IL2RA: variants seen among roughly 807,000 people sequenced by gnomAD.
IL2RA encodes interleukin-2 receptor subunit alpha.
A neutral mutation model predicts 37.8 loss-of-function variants in IL2RA; 24 were observed. That is an observed-to-expected ratio of 0.63 (90% CI 0.46 to 0.89). IL2RA has a LOEUF of 0.89. Among genes scored for constraint, IL2RA ranks in the 40% least tolerant of loss-of-function variants. IL2RA has a pLI of 0.00. For synonymous variants in IL2RA, 125 were observed against 114.6 expected (o/e 1.09, Z -0.58); for missense variants, 319 against 348.6 (o/e 0.92, Z 0.68).
rs546626125 is a variant in IL2RA at position 6,015,588 on chromosome 10, G to A, written c.794+2465C>T. Among the ~76,000 whole-genome samples, 3 of 152,268 alleles carry A rather than the reference G, an allele frequency of 2.0e-5. No individual in the cohort carries two copies. The highest frequency in any genetic ancestry group is 4.4e-5 in the Non-Finnish European group (3 of 68,010). ...CCTCCAGATGATTCTTTCAACAAAT[G>A]TTTTTAAGTTGACACATAATAGTTA... On this transcript the variant is annotated intron_variant, in intron 7 of 7. Coordinates refer to ENST00000379959, the MANE Select transcript of IL2RA (RefSeq NM_000417.3). The surrounding 1 kb of genome is among the most constrained non-coding windows in gnomAD (Gnocchi z 4.9).
In IL2RA at chr10:6,055,719, C is replaced by T. The variant is rs867425166; in HGVS notation, c.64+6369G>A. On this transcript the variant is annotated intron_variant, in intron 1 of 7. Transcript: ENST00000379959. ...GGCCCGCTCTCAATGAGCTGTTGGG[C>T]ACACCTCCCAGACGGGGTGGTGGCC... Among the ~76,000 whole-genome samples the T allele has an allele frequency of 6.1e-5, 2 of 33,012 alleles. 1 individual carries two copies. The highest frequency in any genetic ancestry group is 9.3e-4 in the Admixed American group (2 of 2,154). 21.7% of individuals were successfully genotyped at this position (33,012 alleles called of 152,430 possible).
At chr10:6,041,350 C>T (rs1373436710) in intron 1 of IL2RA, among the ~76,000 whole-genome samples, 4 of 151,978 alleles carry the variant, frequency 2.6e-5, no homozygotes, top group Admixed American at 6.6e-5. Flanking sequence ...CTCCTGACCT[C>T]GTGATCCACC....
In IL2RA at chr10:6,047,282, A is replaced by T. The variant is rs1026677787; in HGVS notation, c.64+14806T>A. 6.6e-6 allele frequency among the ~76,000 whole-genome samples: 1 copy of T among 152,204 alleles called. No individual in the cohort carries two copies. The highest frequency in any genetic ancestry group is 1.5e-5 in the Non-Finnish European group (1 of 68,026). On this transcript the variant is annotated intron_variant, in intron 1 of 7. Transcript: ENST00000379959. This position sits in a 1 kb window ranked among gnomAD's most constrained non-coding sequence, Gnocchi z 5.0. ...CCTCATACCATGTGCACAGCACCTG[A>T]TGCTGGTGGGGTCAGGAGTGTGGCC...
intron 7 of IL2RA, among the ~76,000 whole-genome samples, chr10:6,013,659 C>T (rs1353794840): frequency 1.3e-5 from 2 of 152,138 alleles, no homozygotes; most frequent in South Asian, 2.1e-4. Flanking sequence ...GGAAGAGATG[C>T]GCGGTAGCCA....
chr10:6,017,315 C>T (rs1242223738), intron 7 of IL2RA: 2 of 152,652 alleles, frequency 1.3e-5, no homozygotes, highest in East Asian at 1.9e-4. Flanking sequence ...AGGCAAAGCT[C>T]AGCATAGATG....
chr10:6,041,332 G>T (rs1668275255), intron 1 of IL2RA, among the ~76,000 whole-genome samples: 1 of 152,004 alleles, frequency 6.6e-6, no homozygotes, highest in African/African-American at 2.4e-5. Flanking sequence ...AGCCAGGATG[G>T]TCTCAATCTC....
chr10:6,019,531 G>A (rs781515641), intron 5 of IL2RA, 32 bp from the exon 6 acceptor site: 3 of 1,524,204 alleles, frequency 2.0e-6, no homozygotes, highest in Admixed American at 3.3e-5. Flanking sequence ...AGACACTCCT[G>A]CTACCGTGAC....
In IL2RA at chr10:6,042,425, A is replaced by T. The variant is rs146484922; in HGVS notation, c.65-16400T>A. Among the ~76,000 whole-genome samples the T allele has an allele frequency of 5.8e-4, 88 of 152,256 alleles. 2 individuals carry two copies. The highest frequency in any genetic ancestry group is 1.6e-3 in the African/African-American group (65 of 41,564). On this transcript the variant is annotated intron_variant, in intron 1 of 7. Transcript: ENST00000379959. ...ACACTGAAAGCTTACAGAAAATAAC[A>T]TGTACGTGATACCTTAAAAGCCTTC...
chr10:6,019,615 C>T (rs777150998), intron 5 of IL2RA, 116 bp from the exon 6 acceptor site: 8 of 851,194 alleles, frequency 9.4e-6, no homozygotes, highest in Non-Finnish European at 1.4e-5. Flanking sequence ...GTGGGAGACA[C>T]GTGGTGGTGG....
In IL2RA at chr10:6,028,080, G is replaced by A. The variant is rs1839513053; in HGVS notation, c.65-2055C>T. On this transcript the variant is annotated intron_variant, in intron 1 of 7. Transcript: ENST00000379959. The surrounding 1 kb of genome is among the most constrained non-coding windows in gnomAD (Gnocchi z 4.1). ...AGCTCAGGGCTACATGATTTTGGAG[G>A]AGGGAAACACGTGAGAGGCGCCCAC... Among the ~76,000 whole-genome samples the A allele has an allele frequency of 1.3e-5, 2 of 152,162 alleles. No homozygotes were observed. The highest frequency in any genetic ancestry group is 6.5e-5 in the Admixed American group (1 of 15,274).
At chr10:6,037,884 T>C (rs1839715752) in intron 1 of IL2RA, among the ~76,000 whole-genome samples, 3 of 152,144 alleles carry the variant, frequency 2.0e-5, no homozygotes, top group African/African-American at 4.8e-5. Context: ...GATAGTGAGG[T>C]GAGGTTTACT....
chr10:6,062,174 C>A lies in IL2RA; in HGVS notation c.-23G>T, dbSNP rs778855179. ...CATCTTCCTGACCCTTGGGACCAGC[C>A]GGGGCAGTGAAGCGGAGGTCTTTCT... On this transcript the variant is annotated 5_prime_UTR_variant, in exon 1 of 8. Coordinates refer to ENST00000379959, the MANE Select transcript of IL2RA (RefSeq NM_000417.3). 6.2e-7 allele frequency: 1 copy of A among 1,609,680 alleles called. No individual in the cohort carries two copies.
At chr10:6,040,322 A>G (rs185730051) in intron 1 of IL2RA, among the ~76,000 whole-genome samples, 26 of 152,382 alleles carry the variant, frequency 1.7e-4, no homozygotes, top group Admixed American at 1.6e-3. Flanking sequence ...ATATTCTAAG[A>G]ACTATTTATG....
chr10:6,045,599 G>T (rs1012425533), intron 1 of IL2RA, among the ~76,000 whole-genome samples: 3 of 152,070 alleles, frequency 2.0e-5, no homozygotes, highest in African/African-American at 7.2e-5. Flanking sequence ...TTAAAAGGGG[G>T]AAGTAGAAAC....
rs1163034919 is a variant in IL2RA at position 6,046,447 on chromosome 10, A to G, written c.64+15641T>C. On this transcript the variant is annotated intron_variant, in intron 1 of 7. Transcript: ENST00000379959. The surrounding 1 kb of genome is among the most constrained non-coding windows in gnomAD (Gnocchi z 4.8). ...CCCAGACATCGGGTAAGACAATGAC[A>G]TTTCAGGCACTGTGGGATTGATGGA... Among the ~76,000 whole-genome samples, 2 of 152,182 alleles carry G rather than the reference A, an allele frequency of 1.3e-5. No homozygotes were observed. The highest frequency in any genetic ancestry group is 1.9e-4 in the East Asian group (1 of 5,194).
At chr10:6,049,918 G>A (rs555996579) in intron 1 of IL2RA, among the ~76,000 whole-genome samples, 75 of 152,334 alleles carry the variant, frequency 4.9e-4, no homozygotes, top group Middle Eastern at 3.4e-3. Flanking sequence ...TAAGGGAGGA[G>A]GGTGTTCCTG....
In IL2RA at chr10:6,043,447, G is replaced by GTT. The variant is rs201722546; in HGVS notation, c.65-17424_65-17423dup. On this transcript the variant is annotated intron_variant, in intron 1 of 7. Transcript: ENST00000379959. ...ATTTGTTTTTGTTTGTGTTTGTTTT[G>GTT]TTTTTTTTTGAGATGGAGTCTTGCT... Among the ~76,000 whole-genome samples, 175 of 150,718 alleles carry GTT rather than the reference G, an allele frequency of 1.2e-3. 2 individuals are homozygous for GTT. Among genetic ancestry groups the GTT allele is most frequent in the African/African-American group, 3.8e-3 (157 of 41,084 alleles).
chr10:6,024,459 G>C, intron 2 of IL2RA, 105 bp from the exon 3 acceptor site: 2 of 834,594 alleles, frequency 2.4e-6, no homozygotes, highest in Admixed American at 2.0e-5. Context: ...CAGGGCCCAC[G>C]ATGTGTCTGG....
Position 6,018,342 on chromosome 10 carries a change from A to G in IL2RA, c.728-223T>C, listed in dbSNP as rs982149040. Reference sequence around the variant, plus strand: ...GTGAGGGTGGAGGGAGCTTCCCCTCAGGAGGCACCCTTCTCTCACAAAAGC... The same window carrying G: ...GTGAGGGTGGAGGGAGCTTCCCCTCGGGAGGCACCCTTCTCTCACAAAAGC... On this transcript the variant is annotated intron_variant, in intron 6 of 7. Coordinates refer to ENST00000379959, the MANE Select transcript of IL2RA (RefSeq NM_000417.3). This position sits in a 1 kb window ranked among gnomAD's most constrained non-coding sequence, Gnocchi z 5.1. 3.3e-5 allele frequency among the ~76,000 whole-genome samples: 5 copies of G among 152,122 alleles called. No homozygotes were observed. The highest frequency in any genetic ancestry group is 1.2e-4 in the African/African-American group (5 of 41,440).
Sources: allele counts gnomAD v4.1 joint callset (sites outside exome capture counted in the v4.1 genomes callset), GRCh38; gene constraint gnomAD v4.1.1; non-coding constraint Gnocchi (gnomAD v3.1); transcripts MANE v1.5; gene names NCBI Gene and HGNC (gene_info 2026-07-23, HGNC 2026-07-21).